The following PDSS2 variants were observed in gnomAD, a reference collection of about 807,000 sequenced individuals.
The protein encoded by PDSS2 is all trans-polyprenyl-diphosphate synthase PDSS2.
Under a neutral mutation model 44.5 loss-of-function variants are expected in PDSS2, and 31 were observed. That is an observed-to-expected ratio of 0.70 (90% CI 0.52 to 0.94). The LOEUF (loss-of-function observed/expected upper bound fraction) is 0.94. PDSS2 is among the 40% of genes least tolerant of loss of function. The pLI, the probability that PDSS2 is intolerant of heterozygous loss-of-function variation, is 0.00. For synonymous variants in PDSS2, 157 were observed against 180.3 expected, an observed-to-expected ratio of 0.87 and a Z score of 1.03; for missense variants, 452 against 482.2, an observed-to-expected ratio of 0.94 and a Z score of 0.59.
At chr6:107,326,090 GTTTTTTC>G (rs1449122729) in intron 2 of PDSS2, among the ~76,000 whole-genome samples, 1 of 148,570 alleles carries the variant, frequency 6.7e-6, no homozygotes, top group Non-Finnish European at 1.5e-5. Context: ...TCTGAACTAT[GTTTTTTC>G]TTTTTTCTTT....
At chr6:107,249,174 C>T (rs141806379) in intron 3 of PDSS2, among the ~76,000 whole-genome samples, 11 of 152,264 alleles carry the variant, frequency 7.2e-5, no homozygotes, top group African/African-American at 2.2e-4. Flanking sequence ...ACAGTAAATA[C>T]GTAGAGCATT....
intron 2 of PDSS2, among the ~76,000 whole-genome samples, chr6:107,295,943 T>C (rs966172572): frequency 6.6e-6 from 1 of 152,212 alleles, no homozygotes; most frequent in East Asian, 1.9e-4. Context: ...GGGAAGATTA[T>C]GCATCTCCAT....
At chr6:107,334,430 G>C (rs1777811269) in intron 1 of PDSS2, 98 bp from the exon 2 acceptor site, 1 of 1,089,648 alleles carries the variant, frequency 9.2e-7, no homozygotes, top group Admixed American at 1.7e-5. Context: ...TTCTAAAACT[G>C]GACAATGAGA....
chr6:107,171,676 A>G (rs1771582862), intron 7 of PDSS2, among the ~76,000 whole-genome samples: 1 of 151,978 alleles, frequency 6.6e-6, no homozygotes, highest in African/African-American at 2.4e-5. Flanking sequence ...ATGCCTGGCT[A>G]ATTTATTTAT....
chr6:107,208,056 G>A (rs1423804098), intron 6 of PDSS2, among the ~76,000 whole-genome samples: 2 of 125,220 alleles, frequency 1.6e-5, no homozygotes, highest in African/African-American at 6.4e-5. Context: ...GCGCAATCTT[G>A]GCTCAATGCA....
At chr6:107,406,181 G>GGTCA (rs1391964320) in intron 1 of PDSS2, among the ~76,000 whole-genome samples, 1 of 152,002 alleles carries the variant, frequency 6.6e-6, no homozygotes, top group African/African-American at 2.4e-5. Flanking sequence ...ATAAGCAATC[G>GGTCA]GTCAGGTATC....
chr6:107,395,428 T>C (rs1486237410), intron 1 of PDSS2, among the ~76,000 whole-genome samples: 1 of 152,164 alleles, frequency 6.6e-6, no homozygotes, highest in African/African-American at 2.4e-5. Context: ...CCACTTGATA[T>C]TGGCCTAAAC....
intron 1 of PDSS2, among the ~76,000 whole-genome samples, chr6:107,438,267 G>A (rs1781414581): frequency 6.6e-6 from 1 of 152,056 alleles, no homozygotes; most frequent in Non-Finnish European, 1.5e-5. Flanking sequence ...GGAGTGCAAT[G>A]GCATGATCTC....
chr6:107,391,902 G>GA (rs1303745496), intron 1 of PDSS2, among the ~76,000 whole-genome samples: 1 of 98,084 alleles, frequency 1.0e-5, no homozygotes, highest in Non-Finnish European at 2.9e-5. Context: ...AAATAAAAGG[G>GA]GGGAAAAATC....
intron 1 of PDSS2, among the ~76,000 whole-genome samples, chr6:107,434,890 T>C (rs1440368325): frequency 1.3e-5 from 2 of 152,058 alleles, no homozygotes; most frequent in Non-Finnish European, 2.9e-5. Flanking sequence ...TATATACATA[T>C]ATACCTCCAT....
chr6:107,456,693 C>T (rs575116787), intron 1 of PDSS2, among the ~76,000 whole-genome samples: 18 of 152,246 alleles, frequency 1.2e-4, no homozygotes, highest in African/African-American at 3.9e-4. Context: ...AGATGTGCAT[C>T]CCCACGCCCA....
At chr6:107,307,756 A>G (rs1487685940) in intron 2 of PDSS2, among the ~76,000 whole-genome samples, 1 of 152,044 alleles carries the variant, frequency 6.6e-6, no homozygotes, top group Non-Finnish European at 1.5e-5. Flanking sequence ...TCCTGTGTCC[A>G]CAGTAGGGTT....
intron 7 of PDSS2, among the ~76,000 whole-genome samples, chr6:107,158,831 C>G (rs1771009015): frequency 6.6e-6 from 1 of 151,866 alleles, no homozygotes; most frequent in Admixed American, 6.6e-5. Flanking sequence ...CAGGTTCAAG[C>G]AATTCTCCTG....
chr6:107,230,448 A>G (rs922573130), intron 4 of PDSS2, among the ~76,000 whole-genome samples: 1 of 152,126 alleles, frequency 6.6e-6, no homozygotes, highest in Admixed American at 6.5e-5. Context: ...CCAGTTCCCC[A>G]CAAATCTCTT....
At chr6:107,204,672 A>G (rs1319130383) in intron 6 of PDSS2, among the ~76,000 whole-genome samples, 1 of 152,218 alleles carries the variant, frequency 6.6e-6, no homozygotes. Context: ...TATTATTAAT[A>G]CCGACTTCAT....
chr6:107,211,736 A>G lies in PDSS2; in HGVS notation c.876+373T>C, dbSNP rs1245478721. ...GGTGACAGAGCGAGACTCCATCTCA[A>G]AAAAAAAAAAAAAAAAGCTATAAGG... On this transcript the variant is annotated intron_variant, in intron 5 of 7. Transcript: ENST00000369037. Among the ~76,000 whole-genome samples the G allele has an allele frequency of 3.9e-5, 4 of 101,806 alleles. No homozygotes were observed. The East Asian group carries it at 1.4e-3, about 37-fold the overall frequency. The allele number at this position is 101,806 out of a possible 152,430, so 66.8% of individuals were successfully genotyped here. A position where few individuals can be genotyped will look rare whatever the true frequency, so the allele number is the denominator to read the frequency against.
chr6:107,424,241 A>T (rs1455206762), intron 1 of PDSS2, among the ~76,000 whole-genome samples: 1 of 151,438 alleles, frequency 6.6e-6, no homozygotes, highest in Non-Finnish European at 1.5e-5. Context: ...TAGAGATAGG[A>T]TCTCCCTATG....
At chr6:107,357,730 C>G (rs1778636764) in intron 1 of PDSS2, among the ~76,000 whole-genome samples, 1 of 152,088 alleles carries the variant, frequency 6.6e-6, no homozygotes, top group Admixed American at 6.5e-5. Flanking sequence ...CCGTTATTCT[C>G]TGGCAATTTT....
chr6:107,274,547 C>T (rs932145653), intron 2 of PDSS2, among the ~76,000 whole-genome samples: 3 of 151,988 alleles, frequency 2.0e-5, no homozygotes, highest in East Asian at 1.9e-4. Context: ...ACTTTCCTCA[C>T]GCTCATAACT....
Sources: allele counts gnomAD v4.1 joint callset (sites outside exome capture counted in the v4.1 genomes callset), GRCh38; gene constraint gnomAD v4.1.1; transcripts MANE v1.5; gene names NCBI Gene and HGNC (gene_info 2026-07-23, HGNC 2026-07-21).